MAN1B1: variants seen among roughly 807,000 people sequenced by gnomAD.
The protein encoded by MAN1B1 is endoplasmic reticulum mannosyl-oligosaccharide 1,2-alpha-mannosidase.
Under a neutral mutation model 75.5 loss-of-function variants are expected in MAN1B1, and 66 were observed. The observed-to-expected ratio is 0.87, with a 90% CI of 0.72 to 1.07. MAN1B1 has a LOEUF of 1.07. Ranked by LOEUF, MAN1B1 falls within the 50% of genes least tolerant of loss-of-function variation. The pLI, the probability that MAN1B1 is intolerant of heterozygous loss-of-function variation, is 0.00. For synonymous variants in MAN1B1, 453 were observed against 382.8 expected (o/e 1.18, Z -2.14); for missense variants, 973 against 912.5 (o/e 1.07, Z -0.85).
At chr9:137,107,095 C>T in intron 10 of MAN1B1, 155 bp from the exon 11 acceptor site, 1 of 838,588 alleles carries the variant, frequency 1.2e-6, no homozygotes. Context: ...CTGGTCCAGG[C>T]AGCTCCGCTG....
chr9:137,097,424 C>T (rs188316874), intron 4 of MAN1B1, among the ~76,000 whole-genome samples: 5 of 152,330 alleles, frequency 3.3e-5, no homozygotes, highest in South Asian at 2.1e-4. Context: ...AGTGGCCATG[C>T]GTCTCGTGTG....
chr9:137,104,233 C>T (rs1328557634), intron 8 of MAN1B1: 9 of 320,266 alleles, frequency 2.8e-5, no homozygotes, highest in African/African-American at 4.5e-5. Flanking sequence ...ACGATTTGTC[C>T]TTTTTTTGTT....
At chr9:137,104,929 C>CTCACTGCAACCTCCACCTCCCGGGT (rs1831042905) in intron 8 of MAN1B1, 1 of 151,926 alleles carries the variant, frequency 6.6e-6, no homozygotes, top group Non-Finnish European at 1.5e-5. Flanking sequence ...GCGATCTCGG[C>CTCACTGCAACCTCCACCTCCCGGGT]TCACTGCAAC....
chr9:137,106,379 G>C, intron 9 of MAN1B1, 64 bp downstream of exon 9: 1 of 1,402,626 alleles, frequency 7.1e-7, no homozygotes, highest in South Asian at 1.3e-5. Flanking sequence ...CCCCACTCCT[G>C]CTGCCCCCAG....
At chr9:137,108,220 C>T (rs924248703) in intron 12 of MAN1B1, 168 bp from the exon 13 acceptor site, 38 of 658,832 alleles carry the variant, frequency 5.8e-5, no homozygotes, top group East Asian at 1.9e-4. Flanking sequence ...AGGTGGGCTC[C>T]GGTGGAACCA....
chr9:137,105,015 C>T lies in MAN1B1; in HGVS notation c.1255-1110C>T, dbSNP rs117230015. On this transcript the variant is annotated intron_variant, in intron 8 of 12. Coordinates refer to ENST00000371589, the MANE Select transcript of MAN1B1 (RefSeq NM_016219.5). ...TGGGACCACACCCACCACCACACCC[C>T]GTTATTTTTTTGTATTTTTAGTAGA... 1,121 of 152,476 alleles carry T rather than the reference C, an allele frequency of 7.4e-3. 8 individuals carry two copies. The highest frequency in any genetic ancestry group is 0.011 in the South Asian group (56 of 4,870). The allele number at this position is 152,476 out of a possible 1,614,324, so 9.4% of individuals were successfully genotyped here. A position where few individuals can be genotyped will look rare whatever the true frequency, so the allele number is the denominator to read the frequency against.
Position 137,096,261 on chromosome 9 carries a change from G to C in MAN1B1, c.490G>C (p.Gly164Arg). The change falls in exon 4 of 13, where the codon GGA becomes CGA. Residue 164 changes from glycine (G) to arginine (R), a missense_variant. Physicochemically the swap from Gly to Arg is moderately radical, Grantham distance 125. Transcript: ENST00000371589. ...SQKTQRHIQR[G>R]PPHLQIRPPS... ...GAAGACACAAAGACACATCCAGCGG[G>C]GACCACCTCACCTGCAGATTAGACC... 1 of 1,614,098 alleles carries C rather than the reference G, an allele frequency of 6.2e-7. No homozygotes were observed. Among genetic ancestry groups the C allele is most frequent in the Non-Finnish European group, 8.5e-7 (1 of 1,180,038 alleles).
At chr9:137,102,440 CTG>C (rs377474128) in intron 8 of MAN1B1, 10,246 of 419,798 alleles carry the variant, frequency 0.024, 857 homozygotes, top group African/African-American at 0.2. Flanking sequence ...TACATTCACA[CTG>C]TTGCAGGCGT....
Position 137,099,895 on chromosome 9 carries a change from T to C in MAN1B1, c.916+14T>C, listed in dbSNP as rs373802669. 2.8e-5 allele frequency: 45 copies of C among 1,613,858 alleles called. No individual in the cohort carries two copies. Among genetic ancestry groups the C allele is most frequent in the Non-Finnish European group, 3.4e-5 (40 of 1,180,014 alleles). On this transcript the variant is annotated intron_variant, in intron 6 of 12. Transcript: ENST00000371589. ...GTCTGAGGAAAGGTACCTGGTGCTT[T>C]CTGGGGAGGGGCTGAGCCCTCCGTG... is the stretch of plus-strand genomic sequence containing the variant.
chr9:137,091,075 G>A lies in MAN1B1; in HGVS notation c.465+2070G>A, dbSNP rs563516968. Among the ~76,000 whole-genome samples the A allele has an allele frequency of 2.0e-5, 3 of 152,272 alleles. No homozygotes were observed. The South Asian group carries it at 6.2e-4, about 32-fold the overall frequency. On this transcript the variant is annotated intron_variant, in intron 3 of 12. Coordinates refer to ENST00000371589, the MANE Select transcript of MAN1B1 (RefSeq NM_016219.5). ...GAGAGTCCTGCTCTTGATTGGCCAT[G>A]GGGCCACTGCTCCACACTCTTCGGT...
rs534763664 is a variant in MAN1B1, at chr9:137,096,779, A to G, written c.620+388A>G. 2.0e-5 allele frequency among the ~76,000 whole-genome samples: 3 copies of G among 152,316 alleles called. No homozygotes were observed. In the South Asian group the frequency reaches 6.2e-4, roughly 32 times the overall value. ...AGTTGCCCGGTGCCCAGGCTCCCAG[A>G]GTGCTGTCCTCTGCCCGGTTCGTCA... On this transcript the variant is annotated intron_variant, in intron 4 of 12. Coordinates refer to ENST00000371589, the MANE Select transcript of MAN1B1 (RefSeq NM_016219.5).
In MAN1B1 at chr9:137,088,375, C is replaced by T. The variant is rs746801868; in HGVS notation, c.328+192C>T. The stretch of plus-strand genomic sequence containing the variant: ...AACACAGATGTTAATTTGATGCTGT[C>T]TGACTACTTTCTAGGTCTCTGGTGT... On this transcript the variant is annotated intron_variant, in intron 2 of 12. Transcript: ENST00000371589. The T allele has an allele frequency of 6.3e-6, 10 of 1,587,236 alleles. No homozygotes were observed. In the Admixed American group the frequency reaches 1.3e-4, roughly 21 times the overall value.
At chr9:137,095,033 C>A (rs990999364) in intron 3 of MAN1B1, among the ~76,000 whole-genome samples, 4 of 148,130 alleles carry the variant, frequency 2.7e-5, no homozygotes, top group African/African-American at 1.0e-4. Context: ...ACTAAAGATA[C>A]AAAAATTAGC....
At chr9:137,091,772 C>G (rs752343955) in intron 3 of MAN1B1, among the ~76,000 whole-genome samples, 2 of 151,684 alleles carry the variant, frequency 1.3e-5, no homozygotes, top group Non-Finnish European at 2.9e-5. Flanking sequence ...GTGATCTGCC[C>G]GCCTCAGCCT....
At chr9:137,096,931 A>T (rs189987742) in intron 4 of MAN1B1, among the ~76,000 whole-genome samples, 1 of 152,244 alleles carries the variant, frequency 6.6e-6, no homozygotes, top group Non-Finnish European at 1.5e-5. Context: ...TTCCCCGCAG[A>T]CGTCCTCTCT....
chr9:137,107,993 TC>T, intron 12 of MAN1B1: 3 of 621,702 alleles, frequency 4.8e-6, no homozygotes, highest in Non-Finnish European at 8.8e-6. Flanking sequence ...TGGGGCACCA[TC>T]CCCACTGTGG....
intron 8 of MAN1B1, chr9:137,102,764 G>A (rs1830899905): frequency 2.2e-6 from 1 of 449,838 alleles, no homozygotes; most frequent in Non-Finnish European, 4.4e-6. Context: ...ATTCACACTT[G>A]CAGGCGTGCA....
chr9:137,102,752 A>G, intron 8 of MAN1B1: 1 of 445,276 alleles, frequency 2.2e-6, no homozygotes, highest in South Asian at 1.6e-5. Context: ...CGGTGGTGTT[A>G]CATTCACACT....
At chr9:137,106,508 C>T (rs1287227631) in intron 9 of MAN1B1, 181 bp from the exon 10 acceptor site, 4 of 1,057,002 alleles carry the variant, frequency 3.8e-6, no homozygotes, top group African/African-American at 1.6e-5. Flanking sequence ...CTCACCGTGG[C>T]CTCTGGGGGG....
Sources: allele counts gnomAD v4.1 joint callset (sites outside exome capture counted in the v4.1 genomes callset), GRCh38; gene constraint gnomAD v4.1.1; transcripts MANE v1.5; gene names NCBI Gene and HGNC (gene_info 2026-07-23, HGNC 2026-07-21).